Variants in HEMK2 observed in about 807,000 individuals in gnomAD.
The protein encoded by HEMK2 is methyltransferase HEMK2.
the HEMK2 span, chr21:28,878,477 G>C: frequency 1.2e-6 from 1 of 816,356 alleles, no homozygotes; most frequent in African/African-American, 1.8e-5. Context: ...TTGAATCTAA[G>C]TTTCATCATT....
the HEMK2 span, among the ~76,000 whole-genome samples, chr21:28,632,968 T>C: frequency 6.6e-6 from 1 of 152,190 alleles, no homozygotes; most frequent in African/African-American, 2.4e-5. Context: ...ATAAGAAATT[T>C]ATAGTCAGAG....
chr21:28,618,281 T>C, the HEMK2 span, among the ~76,000 whole-genome samples: 1 of 152,168 alleles, frequency 6.6e-6, no homozygotes, highest in East Asian at 1.9e-4. Context: ...CAAAGTAAAA[T>C]GTTCAGGTTT....
At chr21:28,863,714 ACTGT>A in the HEMK2 span, among the ~76,000 whole-genome samples, 2 of 151,960 alleles carry the variant, frequency 1.3e-5, no homozygotes, top group Admixed American at 6.6e-5. Context: ...CCAAGGAGAG[ACTGT>A]CTGTCATTTC....
chr21:28,690,169 C>A, the HEMK2 span, among the ~76,000 whole-genome samples: 1 of 152,124 alleles, frequency 6.6e-6, no homozygotes, highest in Admixed American at 6.5e-5. Context: ...GGGAAACTGC[C>A]CCCATGATTC....
At chr21:28,866,596 TG>T in the HEMK2 span, among the ~76,000 whole-genome samples, 1 of 151,712 alleles carries the variant, frequency 6.6e-6, no homozygotes. Context: ...GAGGCTTGTG[TG>T]ATGGCACATG....
At chr21:28,747,583 C>A in the HEMK2 span, among the ~76,000 whole-genome samples, 1 of 152,314 alleles carries the variant, frequency 6.6e-6, no homozygotes, top group African/African-American at 2.4e-5. Context: ...ACTCCTACCC[C>A]ACTACCTGTT....
the HEMK2 span, among the ~76,000 whole-genome samples, chr21:28,657,747 C>T: frequency 2.1e-3 from 327 of 152,108 alleles, 2 homozygotes; most frequent in African/African-American, 7.4e-3. Context: ...AGCCAGCAAC[C>T]CAAACCTTTA....
the HEMK2 span, among the ~76,000 whole-genome samples, chr21:28,719,976 A>T: frequency 6.6e-6 from 1 of 152,200 alleles, no homozygotes; most frequent in Admixed American, 6.5e-5. Flanking sequence ...GTTTCAGTGG[A>T]CATACTGTAA....
chr21:28,651,854 G>A, the HEMK2 span, among the ~76,000 whole-genome samples: 1 of 152,102 alleles, frequency 6.6e-6, no homozygotes, highest in South Asian at 2.1e-4. Context: ...GGGATGGGAA[G>A]AAAAACCATA....
chr21:28,608,768 G>A, the HEMK2 span, among the ~76,000 whole-genome samples: 3 of 152,304 alleles, frequency 2.0e-5, no homozygotes, highest in African/African-American at 7.2e-5. Flanking sequence ...GGAGCTGGGT[G>A]AGGCCTGTGG....
the HEMK2 span, among the ~76,000 whole-genome samples, chr21:28,860,300 C>T: frequency 2.6e-5 from 4 of 152,076 alleles, no homozygotes; most frequent in African/African-American, 7.2e-5. Context: ...TCTTTCTCCC[C>T]TGCTGGATGC....
chr21:28,711,395 G>C, the HEMK2 span, among the ~76,000 whole-genome samples: 5 of 152,044 alleles, frequency 3.3e-5, no homozygotes, highest in Non-Finnish European at 5.9e-5. Flanking sequence ...ATTTGGTCCA[G>C]GCCAAACCAG....
the HEMK2 span, among the ~76,000 whole-genome samples, chr21:28,775,436 C>T: frequency 1.1e-4 from 17 of 151,698 alleles, 1 homozygote; most frequent in South Asian, 1.9e-3. Context: ...GAATTTAAAA[C>T]GTGTGTGTGT....
At chr21:28,788,541 G>T in the HEMK2 span, among the ~76,000 whole-genome samples, 10 of 152,078 alleles carry the variant, frequency 6.6e-5, no homozygotes, top group South Asian at 1.7e-3. Context: ...TCGGAGAGGG[G>T]CAAGGGATAA....
the HEMK2 span, among the ~76,000 whole-genome samples, chr21:28,703,949 G>A: frequency 3.1e-4 from 47 of 152,204 alleles, no homozygotes; most frequent in Non-Finnish European, 5.6e-4. Context: ...TGCTGTTTTC[G>A]TGGACTTGAA....
chr21:28,723,348 G>C, the HEMK2 span, among the ~76,000 whole-genome samples: 1 of 152,104 alleles, frequency 6.6e-6, no homozygotes, highest in African/African-American at 2.4e-5. Flanking sequence ...AGAACAATTA[G>C]TCTACATGTC....
the HEMK2 span, among the ~76,000 whole-genome samples, chr21:28,831,628 AAGGAAGGAAAGAAAGAAAGAAAG>A: frequency 1.6e-5 from 1 of 64,424 alleles, no homozygotes; most frequent in Non-Finnish European, 2.6e-5. Flanking sequence ...AGAAGGAAAG[AAGGAAGGAAAGAAAGAAAGAAAG>A]AAAGAAAGAA....
the HEMK2 span, among the ~76,000 whole-genome samples, chr21:28,585,329 C>CTAAG: frequency 4.2e-5 from 6 of 141,320 alleles, no homozygotes; most frequent in Non-Finnish European, 9.2e-5. Flanking sequence ...AAGACTCTGT[C>CTAAG]TAAATAAATA....
the HEMK2 span, among the ~76,000 whole-genome samples, chr21:28,865,641 A>T: frequency 3.9e-5 from 6 of 152,306 alleles, no homozygotes; most frequent in African/African-American, 1.2e-4. Context: ...ACCTAGCCAG[A>T]CTGAGCTACT....
Sources: gnomAD v4.1 joint callset for allele counts (sites outside exome capture counted in the v4.1 genomes callset) on GRCh38, gnomAD v4.1.1 for gene constraint, MANE v1.5 for transcripts, NCBI Gene and HGNC (gene_info 2026-07-23, HGNC 2026-07-21) for gene names.